The following TET2 variants were observed in gnomAD, a reference collection of about 807,000 sequenced individuals.
TET2 encodes tet methylcytosine dioxygenase 2.
A neutral mutation model predicts 142.9 loss-of-function variants in TET2; 299 were observed. The observed-to-expected ratio is 2.09, with a 90% CI of 1.90 to 2.30. The LOEUF is 2.30. Ranked by LOEUF, TET2 falls within the 30% of genes most tolerant of loss-of-function variation. The pLI is 0.00. For synonymous variants in TET2, 819 were observed against 849.0 expected, an observed-to-expected ratio of 0.96 and a Z score of 0.61; for missense variants, 2,418 against 2,378.0, an observed-to-expected ratio of 1.02 and a Z score of -0.35.
At chr4:105,221,721 TTTA>T (rs1464543966) in intron 2 of TET2, among the ~76,000 whole-genome samples, 1 of 152,036 alleles carries the variant, frequency 6.6e-6, no homozygotes, top group Non-Finnish European at 1.5e-5. Flanking sequence ...TTTTTATTTT[TTTA>T]TTATTATACT....
At chr4:105,215,546 A>C (rs977087942) in intron 2 of TET2, among the ~76,000 whole-genome samples, 2 of 152,182 alleles carry the variant, frequency 1.3e-5, no homozygotes, top group African/African-American at 4.8e-5. Flanking sequence ...GGGCTTCCAG[A>C]GTTAGAAATG....
chr4:105,254,026 G>T (rs1363029475), intron 6 of TET2, among the ~76,000 whole-genome samples: 2 of 152,106 alleles, frequency 1.3e-5, no homozygotes, highest in Non-Finnish European at 2.9e-5. Context: ...ATCCCACATG[G>T]TTGTGATACA....
chr4:105,267,428 C>G (rs1218596365), intron 8 of TET2, among the ~76,000 whole-genome samples: 2 of 150,632 alleles, frequency 1.3e-5, no homozygotes, highest in East Asian at 3.9e-4. Flanking sequence ...AGCACAGAGG[C>G]TGAGGAATTG....
At chr4:105,145,988 G>C (rs1042878078), upstream of TET2, 2 of 152,206 alleles carry the variant, frequency 1.3e-5, no homozygotes, top group African/African-American at 4.8e-5. Context: ...CGGTGAAACA[G>C]GGGAGCGCTT....
intron 2 of TET2, among the ~76,000 whole-genome samples, chr4:105,191,596 C>CT (rs1439779731): frequency 6.6e-6 from 1 of 152,142 alleles, no homozygotes; most frequent in African/African-American, 2.4e-5. Flanking sequence ...AACAAATCTT[C>CT]TAATAAGCCT....
Position 105,235,506 on chromosome 4 carries a change from A to G in TET2, c.1564A>G (p.Ser522Gly), listed in dbSNP as rs2110228002. Reference sequence around the variant, plus strand: ...GCATAACCCACCAATTTTTGGTAGCAGTGGAGAGCTACAGGACAACTGCCA... The same window carrying G: ...GCATAACCCACCAATTTTTGGTAGCGGTGGAGAGCTACAGGACAACTGCCA... ...LKHNPPIFGS[S>G]GELQDNCQQL... The change falls in exon 3 of 11, where the codon AGT becomes GGT. Residue 522 changes from serine (S) to glycine (G), a missense_variant. By Grantham distance (56) the Ser-to-Gly change is moderately conservative. Transcript: ENST00000380013. 1.2e-6 allele frequency: 2 copies of G among 1,614,206 alleles called. No individual in the cohort carries two copies. Among genetic ancestry groups the G allele is most frequent in the Non-Finnish European group, 1.7e-6 (2 of 1,180,024 alleles).
chr4:105,204,757 T>A (rs1726716104), intron 2 of TET2, among the ~76,000 whole-genome samples: 1 of 152,188 alleles, frequency 6.6e-6, no homozygotes, highest in African/African-American at 2.4e-5. Flanking sequence ...TGGTTTAAAA[T>A]ACATGGCATT....
intron 1 of TET2, among the ~76,000 whole-genome samples, chr4:105,187,996 G>A (rs538295320): frequency 3.9e-5 from 6 of 152,230 alleles, no homozygotes; most frequent in African/African-American, 1.2e-4. Flanking sequence ...CAGTAGTTTC[G>A]CTCTTAGGGA....
At chr4:105,172,091 T>C (rs985931687) in intron 1 of TET2, among the ~76,000 whole-genome samples, 1 of 152,276 alleles carries the variant, frequency 6.6e-6, no homozygotes, top group Admixed American at 6.5e-5. Flanking sequence ...CACTGAACTT[T>C]GAGCTCAGCA....
At chr4:105,274,980 C>A (rs2110310685) in intron 10 of TET2, 68 bp from the exon 11 acceptor site, 1 of 1,457,634 alleles carries the variant, frequency 6.9e-7, no homozygotes, top group Non-Finnish European at 9.1e-7. Flanking sequence ...AGTATCCTCA[C>A]TAGCCTTCAT....
At chr4:105,249,659 G>A (rs1240462724) in intron 6 of TET2, among the ~76,000 whole-genome samples, 1 of 152,084 alleles carries the variant, frequency 6.6e-6, no homozygotes, top group Non-Finnish European at 1.5e-5. Context: ...AGTTTATCTC[G>A]TGATTTTGAT....
At chr4:105,249,787 T>G (rs1039355356) in intron 6 of TET2, among the ~76,000 whole-genome samples, 3 of 152,238 alleles carry the variant, frequency 2.0e-5, no homozygotes, top group African/African-American at 7.2e-5. Flanking sequence ...GTTGTAAGAA[T>G]ATGTTATGTT....
chr4:105,199,031 T>C (rs1450547074), intron 2 of TET2, among the ~76,000 whole-genome samples: 1 of 152,340 alleles, frequency 6.6e-6, no homozygotes, highest in Non-Finnish European at 1.5e-5. Flanking sequence ...TTTAGGGATA[T>C]GTTTAGTGTT....
intron 2 of TET2, among the ~76,000 whole-genome samples, chr4:105,226,610 T>G (rs1406012852): frequency 6.7e-6 from 1 of 149,668 alleles, no homozygotes; most frequent in Admixed American, 6.7e-5. Flanking sequence ...TCCCTCCCTC[T>G]CTCCTTCCCT....
In TET2 at chr4:105,239,825, G is replaced by A. The variant is rs571529025; in HGVS notation, c.3410-1514G>A. 5.1e-4 allele frequency: 118 copies of A among 229,270 alleles called. 2 individuals are homozygous for A. In the South Asian group the frequency reaches 0.019, roughly 37 times the overall value. 14.2% of individuals were successfully genotyped at this position (229,270 alleles called of 1,614,324 possible). A position where few individuals can be genotyped will look rare whatever the true frequency, so the allele number is the denominator to read the frequency against. ...TTGACATGCCTTCCTCACTTAGCTC[G>A]TCATATCTAGCTTTTGATTTAAAGT... On this transcript the variant is annotated intron_variant, in intron 3 of 10. Coordinates refer to ENST00000380013, the MANE Select transcript of TET2 (RefSeq NM_001127208.3).
intron 1 of TET2, among the ~76,000 whole-genome samples, chr4:105,153,490 CT>C (rs1163853043): frequency 1.3e-5 from 2 of 152,052 alleles, no homozygotes; most frequent in Admixed American, 6.5e-5. Context: ...CTTAAAAGTC[CT>C]TTTTTTGATA....
intron 1 of TET2, among the ~76,000 whole-genome samples, chr4:105,155,674 A>G (rs1019540075): frequency 6.6e-6 from 1 of 152,146 alleles, no homozygotes; most frequent in African/African-American, 2.4e-5. Context: ...TGGATCCCAT[A>G]CCTTGGGACC....
chr4:105,187,604 C>A (rs945273831), intron 1 of TET2, among the ~76,000 whole-genome samples: 1 of 152,198 alleles, frequency 6.6e-6, no homozygotes, highest in African/African-American at 2.4e-5. Flanking sequence ...AACTCAAAAG[C>A]TTTATCACTA....
At chr4:105,248,603 T>C (rs185800416) in intron 6 of TET2, among the ~76,000 whole-genome samples, 154 of 152,352 alleles carry the variant, frequency 1.0e-3, no homozygotes, top group African/African-American at 3.6e-3. Context: ...GTAGCCACTT[T>C]ATTAGAAAAT....
Sources: allele counts gnomAD v4.1 joint callset (sites outside exome capture counted in the v4.1 genomes callset), GRCh38; gene constraint gnomAD v4.1.1; transcripts MANE v1.5; gene names NCBI Gene and HGNC (gene_info 2026-07-23, HGNC 2026-07-21).